Variants in ZNF385D observed in about 807,000 individuals in gnomAD.
ZNF385D encodes zinc finger protein 659.
In ZNF385D, 15 loss-of-function variants were observed where a neutral mutation model predicts 35.8. The observed-to-expected ratio is 0.42, with a 90% CI of 0.28 to 0.64. ZNF385D has a LOEUF of 0.64. Among genes scored for constraint, ZNF385D ranks in the 30% least tolerant of loss-of-function variants. ZNF385D has a pLI of 0.23. For missense variants in ZNF385D, 474 were observed against 494.6 expected (o/e 0.96, Z 0.39); for synonymous variants, 212 against 186.8 (o/e 1.13, Z -1.10).
chr3:22,084,145 C>A (rs529842843), intron 3 of ZNF385D, among the ~76,000 whole-genome samples: 335 of 152,298 alleles, frequency 2.2e-3, no homozygotes, highest in Admixed American at 3.9e-3. Flanking sequence ...ATTGTAACGA[C>A]CATCGTTGCT....
At chr3:21,917,376 G>A (rs372556187) in intron 3 of ZNF385D, among the ~76,000 whole-genome samples, 40 of 152,272 alleles carry the variant, frequency 2.6e-4, no homozygotes, top group South Asian at 1.0e-3. Flanking sequence ...AGGTTGCAGT[G>A]AGCTGAGATC....
intron 2 of ZNF385D, among the ~76,000 whole-genome samples, chr3:22,272,485 C>A (rs1701227355): frequency 6.6e-6 from 1 of 151,948 alleles, no homozygotes; most frequent in South Asian, 2.1e-4. Context: ...ATTACCTTTG[C>A]TGATGTCCCT....
chr3:22,342,909 T>G (rs550542378), intron 2 of ZNF385D, among the ~76,000 whole-genome samples: 3 of 152,234 alleles, frequency 2.0e-5, no homozygotes, highest in Non-Finnish European at 4.4e-5. Context: ...AAAGCTTCTG[T>G]GTCCAGTGGT....
At chr3:22,173,698 G>C (rs940411395) in intron 2 of ZNF385D, among the ~76,000 whole-genome samples, 2 of 152,062 alleles carry the variant, frequency 1.3e-5, no homozygotes, top group African/African-American at 4.8e-5. Context: ...CCATCGGATG[G>C]CTCTTTATCT....
chr3:21,639,052 G>A (rs1244094275), intron 2 of ZNF385D, among the ~76,000 whole-genome samples: 1 of 152,024 alleles, frequency 6.6e-6, no homozygotes, highest in Non-Finnish European at 1.5e-5. Flanking sequence ...AATTTGTTAT[G>A]TAATCCGACT....
chr3:21,786,710 C>G (rs1002102813), intron 3 of ZNF385D, among the ~76,000 whole-genome samples: 1 of 152,128 alleles, frequency 6.6e-6, no homozygotes, highest in Non-Finnish European at 1.5e-5. Context: ...TTCATAAAAC[C>G]AAGTTGCATC....
chr3:21,442,585 A>G (rs1253742762), intron 4 of ZNF385D, among the ~76,000 whole-genome samples: 3 of 151,760 alleles, frequency 2.0e-5, no homozygotes, highest in African/African-American at 7.3e-5. Flanking sequence ...ACTAAAATTT[A>G]TTGAGCCCAT....
chr3:21,597,532 A>C, intron 2 of ZNF385D, among the ~76,000 whole-genome samples: 1 of 152,176 alleles, frequency 6.6e-6, no homozygotes, highest in Non-Finnish European at 1.5e-5. Context: ...ACTGGTGGAA[A>C]GAAGGAAGAC....
At chr3:22,141,895 G>A (rs551819952) in intron 3 of ZNF385D, among the ~76,000 whole-genome samples, 1 of 152,204 alleles carries the variant, frequency 6.6e-6, no homozygotes, top group African/African-American at 2.4e-5. Context: ...AGACAGTACT[G>A]TTTGCCTTGT....
At chr3:22,291,711 T>C (rs1702311289) in intron 2 of ZNF385D, among the ~76,000 whole-genome samples, 2 of 152,028 alleles carry the variant, frequency 1.3e-5, no homozygotes, top group Non-Finnish European at 2.9e-5. Flanking sequence ...TATTTGTTCT[T>C]TTCTTCACTT....
intron 2 of ZNF385D, among the ~76,000 whole-genome samples, chr3:21,636,069 A>T (rs1250631940): frequency 6.6e-6 from 1 of 151,922 alleles, no homozygotes; most frequent in Non-Finnish European, 1.5e-5. Flanking sequence ...CTCTGGGTAG[A>T]TACCCAGTCA....
chr3:21,565,879 C>G (rs975302), intron 2 of ZNF385D, among the ~76,000 whole-genome samples: 83,419 of 151,608 alleles, frequency 0.55, 24,297 homozygotes, highest in African/African-American at 0.77. Flanking sequence ...AGAAATGACT[C>G]TCTAATATTC....
At position 22,286,840 on chromosome 3, in the gene ZNF385D, G is replaced by A. The variant is rs570028940; in HGVS notation, c.106+85610C>T. On this transcript the variant is annotated intron_variant, in intron 2 of 5. Coordinates refer to the ZNF385D transcript ENST00000494108. ...TCATCCACGTGCACATGAGAAGAAT[G>A]TGTATTATTTTGTTGTTGGGTGGAA... 3.3e-5 allele frequency among the ~76,000 whole-genome samples: 5 copies of A among 152,142 alleles called. No homozygotes were observed. The South Asian group carries it at 1.0e-3, about 32-fold the overall frequency.
At chr3:21,998,883 G>A (rs1049685973) in intron 3 of ZNF385D, among the ~76,000 whole-genome samples, 2 of 152,112 alleles carry the variant, frequency 1.3e-5, no homozygotes, top group African/African-American at 4.8e-5. Flanking sequence ...TGCACATACT[G>A]AAGAGTTCTT....
intron 5 of ZNF385D, 60 bp from the exon 6 acceptor site, chr3:21,425,730 G>A (rs1700989781): frequency 1.4e-5 from 20 of 1,460,952 alleles, no homozygotes; most frequent in Non-Finnish European, 1.8e-5. Context: ...AGGGAGAGAA[G>A]GAGGTGGGAT....
chr3:21,853,352 A>C (rs1202821906), intron 3 of ZNF385D, among the ~76,000 whole-genome samples: 1 of 151,858 alleles, frequency 6.6e-6, no homozygotes, highest in Non-Finnish European at 1.5e-5. Context: ...TTTAGGAAGA[A>C]AAGTGGTAAT....
rs978035675 is a variant in ZNF385D at position 21,646,180 on chromosome 3, A to G, written c.165+18706T>C. 7.2e-5 allele frequency among the ~76,000 whole-genome samples: 11 copies of G among 152,182 alleles called. No individual in the cohort carries two copies. Among genetic ancestry groups the G allele is most frequent in the Non-Finnish European group, 1.0e-4 (7 of 68,030 alleles). On this transcript the variant is annotated intron_variant, in intron 2 of 7. Transcript: ENST00000281523. This position sits in a 1 kb window ranked among gnomAD's most constrained non-coding sequence, Gnocchi z 4.3. ...TTTAAAAGTTAAGGAAGGGAGATGT[A>G]TAATTTTTAGGGTGTCAAAACCGGC...
chr3:21,689,697 T>G lies in ZNF385D; in HGVS notation c.23-24669A>C, dbSNP rs572854721. Among the ~76,000 whole-genome samples, 40 of 152,228 alleles carry G rather than the reference T, an allele frequency of 2.6e-4. No homozygotes were observed. The South Asian group carries it at 8.3e-3, about 32-fold the overall frequency. On this transcript the variant is annotated intron_variant, in intron 1 of 7. Coordinates refer to ENST00000281523, the MANE Select transcript of ZNF385D (RefSeq NM_024697.3). ...ATATAAGAAGCTCTAAAGCAGTGAT[T>G]CTCAGACATCATCAGAAACACCTGT...
intron 3 of ZNF385D, among the ~76,000 whole-genome samples, chr3:21,839,926 C>G (rs191197706): frequency 1.8e-4 from 27 of 152,054 alleles, no homozygotes; most frequent in African/African-American, 6.3e-4. Context: ...AGCCTTACAC[C>G]GGACTGCAAA....
Sources: allele counts gnomAD v4.1 joint callset (sites outside exome capture counted in the v4.1 genomes callset), GRCh38; gene constraint gnomAD v4.1.1; non-coding constraint Gnocchi (gnomAD v3.1); transcripts MANE v1.5; gene names NCBI Gene and HGNC (gene_info 2026-07-23, HGNC 2026-07-21).